SRPK2: variants seen among roughly 807,000 people sequenced by gnomAD.
SRPK2 encodes SFRS protein kinase 2.
SRPK2 carries 21 observed loss-of-function variants against 90.8 expected under a neutral mutation model. The observed-to-expected ratio is 0.23, with a 90% CI of 0.16 to 0.33. The LOEUF is 0.33. SRPK2 is among the 10% of genes least tolerant of loss of function. The pLI, the probability that SRPK2 is intolerant of heterozygous loss-of-function variation, is 1.00. For synonymous variants in SRPK2, 288 were observed against 311.1 expected, an observed-to-expected ratio of 0.93 and a Z score of 0.78; for missense variants, 620 against 869.0, an observed-to-expected ratio of 0.71 and a Z score of 3.60.
At chr7:105,334,903 C>T (rs1814901412) in intron 2 of SRPK2, among the ~76,000 whole-genome samples, 1 of 150,500 alleles carries the variant, frequency 6.6e-6, no homozygotes, top group Admixed American at 6.6e-5. Flanking sequence ...GGCGCAGTAG[C>T]TTATGCCTGT....
Position 105,160,609 on chromosome 7 carries a change from G to C in SRPK2, c.519C>G (p.Val173=). ...GGCCAAGTACTTCGAAGACCATGCA[G>C]ACATCTGGGACACAGTTAAGGATCG... ...FKISGMNGIH[V]CMVFEVLGHH... Residue 173 remains valine (V), a synonymous_variant, in exon 7 of 16, where the codon GTC becomes GTG. Transcript: ENST00000393651. 6.2e-7 allele frequency: 1 copy of C among 1,600,602 alleles called. No individual in the cohort carries two copies. Among genetic ancestry groups the C allele is most frequent in the Non-Finnish European group, 8.6e-7 (1 of 1,167,864 alleles).
At chr7:105,338,514 C>T (rs1182795899) in intron 2 of SRPK2, among the ~76,000 whole-genome samples, 2 of 152,136 alleles carry the variant, frequency 1.3e-5, no homozygotes, top group Non-Finnish European at 2.9e-5. Flanking sequence ...CACTCAGCCT[C>T]CTAAAGTCCT....
At chr7:105,344,160 T>C (rs1007364826) in intron 2 of SRPK2, among the ~76,000 whole-genome samples, 4 of 152,160 alleles carry the variant, frequency 2.6e-5, no homozygotes, top group Non-Finnish European at 5.9e-5. Flanking sequence ...TACAAAACCA[T>C]AAGGCTTTGT....
At chr7:105,157,340 A>G (rs1007051921) in intron 7 of SRPK2, among the ~76,000 whole-genome samples, 1 of 152,344 alleles carries the variant, frequency 6.6e-6, no homozygotes, top group Admixed American at 6.5e-5. Flanking sequence ...AGAAAATACT[A>G]AGAAAATTGG....
At chr7:105,243,468 T>C (rs935561341) in intron 2 of SRPK2, among the ~76,000 whole-genome samples, 3 of 152,014 alleles carry the variant, frequency 2.0e-5, no homozygotes, top group Non-Finnish European at 2.9e-5. Context: ...GGTCAGGAGT[T>C]CAAGACTAGT....
At chr7:105,388,463 G>GCGCCCCTCCCCCGCCGC (rs1302938605) in intron 2 of SRPK2, among the ~76,000 whole-genome samples, 185 bp downstream of exon 2, 3 of 146,782 alleles carry the variant, frequency 2.0e-5, no homozygotes, top group Non-Finnish European at 3.0e-5. Flanking sequence ...CGCGGCCCGC[G>GCGCCCCTCCCCCGCCGC]CGCCCCTCCC....
At chr7:105,182,474 T>TG (rs1793007322) in intron 3 of SRPK2, among the ~76,000 whole-genome samples, 1 of 137,786 alleles carries the variant, frequency 7.3e-6, no homozygotes, top group African/African-American at 2.8e-5. Context: ...TTTTTTGAGA[T>TG]GGAGTCTCAC....
intron 3 of SRPK2, among the ~76,000 whole-genome samples, chr7:105,185,535 C>T (rs75279305): frequency 5.9e-4 from 90 of 152,068 alleles, no homozygotes; most frequent in African/African-American, 2.1e-3. Context: ...GTGTATGTTA[C>T]GTTCTCTTGT....
intron 2 of SRPK2, among the ~76,000 whole-genome samples, chr7:105,372,709 G>A (rs1450839052): frequency 6.6e-6 from 1 of 152,112 alleles, no homozygotes; most frequent in African/African-American, 2.4e-5. Flanking sequence ...GGCAACTCCA[G>A]GTAATGATTT....
chr7:105,358,263 C>A (rs951968688), intron 2 of SRPK2, among the ~76,000 whole-genome samples: 2 of 147,768 alleles, frequency 1.4e-5, no homozygotes, highest in Non-Finnish European at 3.0e-5. Context: ...CGTACAACTT[C>A]TGACTCCCCA....
At chr7:105,326,121 T>C (rs1035559767) in intron 2 of SRPK2, among the ~76,000 whole-genome samples, 5 of 152,182 alleles carry the variant, frequency 3.3e-5, no homozygotes, top group Non-Finnish European at 7.3e-5. Context: ...TCCTCTTAAT[T>C]CATACCCTAT....
In SRPK2 at chr7:105,167,536, T is replaced by C. The variant is rs1790231284; in HGVS notation, c.427-72A>G. On this transcript the variant is annotated intron_variant, in intron 5 of 15. Coordinates refer to ENST00000393651, the MANE Select transcript of SRPK2 (RefSeq NM_182692.3). ...GCATGTTTTCCCATTATAACACCAA[T>C]ACTGTTTAAATAAAAGTATATTTTA... is the stretch of plus-strand genomic sequence containing the variant. 5.1e-5 allele frequency: 44 copies of C among 862,558 alleles called. 1 individual carries two copies. In the South Asian group the frequency reaches 6.1e-4, roughly 12 times the overall value. 53.4% of individuals were successfully genotyped at this position (862,558 alleles called of 1,614,324 possible).
intron 2 of SRPK2, among the ~76,000 whole-genome samples, chr7:105,316,167 G>A (rs1181468596): frequency 6.6e-6 from 1 of 151,850 alleles, no homozygotes; most frequent in Non-Finnish European, 1.5e-5. Context: ...TGGGATTACG[G>A]GCACCCGCCA....
chr7:105,282,895 TA>T (rs34535552), intron 2 of SRPK2, among the ~76,000 whole-genome samples: 42,410 of 148,788 alleles, frequency 0.29, 8,713 homozygotes, highest in East Asian at 0.58. Context: ...ACGTAACTGA[TA>T]AAAAAAAAAA....
At chr7:105,115,003 A>AAAT (rs1584826852), downstream of SRPK2, among the ~76,000 whole-genome samples, 1 of 152,242 alleles carries the variant, frequency 6.6e-6, no homozygotes, top group Admixed American at 6.5e-5. Flanking sequence ...TGTGAAATAA[A>AAAT]AATATTCTTC....
chr7:105,239,470 T>C (rs886107461), intron 2 of SRPK2, among the ~76,000 whole-genome samples: 1 of 152,260 alleles, frequency 6.6e-6, no homozygotes, highest in Admixed American at 6.5e-5. Flanking sequence ...CTGAGGCAGT[T>C]ACATCTAGTC....
Position 105,117,740 on chromosome 7 carries a change from C to T in SRPK2, c.*98G>A. ...CAAAATAAAGGTCTGAGGATGAAGCCAGCTCACTTGTAATCCTGTTAAAGA... is the reference window on the plus strand; with the variant it reads ...CAAAATAAAGGTCTGAGGATGAAGCTAGCTCACTTGTAATCCTGTTAAAGA... On this transcript the variant is annotated 3_prime_UTR_variant, in exon 16 of 16. Transcript: ENST00000393651. The T allele has an allele frequency of 7.4e-7, 1 of 1,348,058 alleles. No homozygotes were observed. The highest frequency in any genetic ancestry group is 2.4e-5 in the East Asian group (1 of 40,980). The allele number at this position is 1,348,058 out of a possible 1,614,324, so 83.5% of individuals were successfully genotyped here. A position where few individuals can be genotyped will look rare whatever the true frequency, so the allele number is the denominator to read the frequency against.
intron 15 of SRPK2, among the ~76,000 whole-genome samples, chr7:105,122,321 A>AC (rs1377968712): frequency 1.3e-5 from 2 of 152,244 alleles, no homozygotes; most frequent in Non-Finnish European, 2.9e-5. Flanking sequence ...ATTTATACTT[A>AC]AACTTTCACA....
intron 2 of SRPK2, among the ~76,000 whole-genome samples, chr7:105,239,012 A>G (rs2237618): frequency 0.17 from 25,548 of 152,168 alleles, 2,815 homozygotes; most frequent in East Asian, 0.58. Flanking sequence ...TACACTTCTA[A>G]GAACGAAGGG....
Sources: gnomAD v4.1 joint callset for allele counts (sites outside exome capture counted in the v4.1 genomes callset) on GRCh38, gnomAD v4.1.1 for gene constraint, MANE v1.5 for transcripts, NCBI Gene and HGNC (gene_info 2026-07-23, HGNC 2026-07-21) for gene names.